STX18: variants seen among roughly 807,000 people sequenced by gnomAD.
STX18 encodes the protein syntaxin 18.
A neutral mutation model predicts 50.1 loss-of-function variants in STX18; 40 were observed. The ratio of observed to expected loss-of-function variants is 0.80; its 90% confidence interval spans 0.62 to 1.04. STX18 has a LOEUF of 1.04. STX18 is among the 50% of genes least tolerant of loss of function. The pLI is 0.00. For synonymous variants in STX18, 158 were observed against 151.8 expected (o/e 1.04, Z -0.30); for missense variants, 410 against 415.8 (o/e 0.99, Z 0.12).
At chr4:4,485,345 C>T (rs1424704241) in intron 1 of STX18, among the ~76,000 whole-genome samples, 1 of 152,206 alleles carries the variant, frequency 6.6e-6, no homozygotes, top group African/African-American at 2.4e-5. Context: ...ACCCATAGGG[C>T]AAGGTGAACT....
At chr4:4,463,312 G>A (rs1026768137) in intron 2 of STX18, among the ~76,000 whole-genome samples, 3 of 152,098 alleles carry the variant, frequency 2.0e-5, no homozygotes, top group Non-Finnish European at 2.9e-5. Context: ...CTTTATTATG[G>A]GCACTGAAAC....
chr4:4,525,194 G>A (rs189547706), intron 1 of STX18, among the ~76,000 whole-genome samples: 1 of 152,172 alleles, frequency 6.6e-6, no homozygotes, highest in East Asian at 1.9e-4. Context: ...AAGACTTTGG[G>A]ATAATTTAAT....
At chr4:4,494,404 G>T (rs534731202) in intron 1 of STX18, among the ~76,000 whole-genome samples, 6 of 152,188 alleles carry the variant, frequency 3.9e-5, no homozygotes, top group African/African-American at 1.4e-4. Flanking sequence ...ATACTTTCAA[G>T]TGATTTTTCA....
chr4:4,506,101 A>G (rs908821970), intron 1 of STX18, among the ~76,000 whole-genome samples: 7 of 152,238 alleles, frequency 4.6e-5, no homozygotes, highest in Non-Finnish European at 7.3e-5. Context: ...CTACTTGAGT[A>G]TTATGAATGA....
At chr4:4,482,335 C>T (rs1728501963) in intron 1 of STX18, among the ~76,000 whole-genome samples, 1 of 152,170 alleles carries the variant, frequency 6.6e-6, no homozygotes, top group Non-Finnish European at 1.5e-5. Context: ...TTAGATACTG[C>T]CACTGTGTGT....
chr4:4,534,239 C>T (rs564953534), intron 1 of STX18, among the ~76,000 whole-genome samples: 1 of 152,314 alleles, frequency 6.6e-6, no homozygotes, highest in East Asian at 1.9e-4. Flanking sequence ...GAGTTATCCA[C>T]CACATGCTGT....
intron 1 of STX18, among the ~76,000 whole-genome samples, chr4:4,509,535 A>G (rs1729898922): frequency 6.6e-6 from 1 of 152,096 alleles, no homozygotes; most frequent in South Asian, 2.1e-4. Flanking sequence ...CAAAAATTTA[A>G]CTTGGAGTCG....
chr4:4,497,977 G>A (rs904794170), intron 1 of STX18, among the ~76,000 whole-genome samples: 5 of 152,134 alleles, frequency 3.3e-5, no homozygotes, highest in Admixed American at 6.5e-5. Context: ...TCCGTCTAAG[G>A]TCTATGGTCT....
chr4:4,518,718 T>A (rs1191803159), intron 1 of STX18, among the ~76,000 whole-genome samples: 1 of 152,156 alleles, frequency 6.6e-6, no homozygotes, highest in Non-Finnish European at 1.5e-5. Context: ...AGAAAACATA[T>A]CTTAAAAGAT....
intron 1 of STX18, among the ~76,000 whole-genome samples, chr4:4,484,078 G>A (rs1386771438): frequency 6.6e-6 from 1 of 152,078 alleles, no homozygotes; most frequent in African/African-American, 2.4e-5. Flanking sequence ...TAGCCAGGAT[G>A]GTCTTGATCT....
At chr4:4,484,155 C>T (rs964883639) in intron 1 of STX18, among the ~76,000 whole-genome samples, 3 of 152,126 alleles carry the variant, frequency 2.0e-5, no homozygotes, top group Non-Finnish European at 4.4e-5. Flanking sequence ...AGCCACCGTG[C>T]CCGGCCCCTT....
chr4:4,539,976 C>G (rs1731504223), intron 1 of STX18, among the ~76,000 whole-genome samples: 1 of 152,050 alleles, frequency 6.6e-6, no homozygotes, highest in Admixed American at 6.5e-5. Flanking sequence ...TAGAAGGGAC[C>G]CTTAAAAAGC....
At chr4:4,494,405 T>C (rs1729075268) in intron 1 of STX18, among the ~76,000 whole-genome samples, 1 of 152,154 alleles carries the variant, frequency 6.6e-6, no homozygotes. Flanking sequence ...TACTTTCAAG[T>C]GATTTTTCAT....
At chr4:4,501,391 T>C (rs938264648) in intron 1 of STX18, among the ~76,000 whole-genome samples, 3 of 152,202 alleles carry the variant, frequency 2.0e-5, no homozygotes, top group African/African-American at 4.8e-5. Flanking sequence ...TCTCTCACTG[T>C]CGGTCAGAAT....
At chr4:4,512,586 T>C (rs778141310) in intron 1 of STX18, among the ~76,000 whole-genome samples, 4 of 152,170 alleles carry the variant, frequency 2.6e-5, no homozygotes, top group Non-Finnish European at 4.4e-5. Context: ...AAGCACACCA[T>C]AGAGCAAACA....
chr4:4,446,781 C>T (rs1010023952), intron 5 of STX18, among the ~76,000 whole-genome samples: 2 of 152,184 alleles, frequency 1.3e-5, no homozygotes, highest in Non-Finnish European at 2.9e-5. Context: ...TATGACAACC[C>T]ACTTTTAGTT....
chr4:4,469,111 G>A (rs1458894728), intron 2 of STX18, among the ~76,000 whole-genome samples: 2 of 152,130 alleles, frequency 1.3e-5, no homozygotes, highest in Admixed American at 1.3e-4. Flanking sequence ...TCACAGATGA[G>A]CATTAGGAGA....
At chr4:4,507,227 TA>T (rs1729755803) in intron 1 of STX18, 6 of 634,180 alleles carry the variant, frequency 9.5e-6, no homozygotes, top group South Asian at 7.2e-5. Context: ...ATTATGAGGG[TA>T]AACAACCCAT....
At chr4:4,463,008 A>T (rs1553838696) in intron 2 of STX18, among the ~76,000 whole-genome samples, 1 of 152,212 alleles carries the variant, frequency 6.6e-6, no homozygotes, top group Non-Finnish European at 1.5e-5. Context: ...TCACTATTAC[A>T]TCGAAAGCTT....
Sources: gnomAD v4.1 joint callset for allele counts (sites outside exome capture counted in the v4.1 genomes callset) on GRCh38, gnomAD v4.1.1 for gene constraint, MANE v1.5 for transcripts, NCBI Gene and HGNC (gene_info 2026-07-23, HGNC 2026-07-21) for gene names.